MARCHF1: variants seen among roughly 807,000 people sequenced by gnomAD.
MARCHF1 encodes the protein E3 ubiquitin-protein ligase MARCHF1.
MARCHF1 carries 40 observed loss-of-function variants against 54.2 expected under a neutral mutation model. The observed-to-expected ratio is 0.74, with a 90% CI of 0.57 to 0.96. The LOEUF is 0.96. Ranked by LOEUF, MARCHF1 falls within the 40% of genes least tolerant of loss-of-function variation. The pLI is 0.00. For missense variants in MARCHF1, 586 were observed against 656.5 expected (o/e 0.89, Z 1.17); for synonymous variants, 236 against 236.3 (o/e 1.00, Z 0.01).
At chr4:163,803,926 G>C (rs1748154419) in intron 4 of MARCHF1, among the ~76,000 whole-genome samples, 1 of 152,156 alleles carries the variant, frequency 6.6e-6, no homozygotes, top group Non-Finnish European at 1.5e-5. Context: ...AACAACAGCT[G>C]CTTCAAAGAG....
intron 1 of MARCHF1, among the ~76,000 whole-genome samples, chr4:164,350,146 T>G (rs1730237263): frequency 6.6e-6 from 1 of 152,182 alleles, no homozygotes; most frequent in African/African-American, 2.4e-5. Flanking sequence ...AAGAAAAAGA[T>G]GCTTTACTCT....
At chr4:164,130,464 T>G (rs1026709428) in intron 1 of MARCHF1, among the ~76,000 whole-genome samples, 6 of 152,182 alleles carry the variant, frequency 3.9e-5, no homozygotes, top group African/African-American at 7.2e-5. Flanking sequence ...TTTCATTTCA[T>G]TTTATTGTTT....
At chr4:164,089,231 A>G (rs1268927516) in intron 2 of MARCHF1, among the ~76,000 whole-genome samples, 1 of 152,186 alleles carries the variant, frequency 6.6e-6, no homozygotes. Flanking sequence ...TACGACATTG[A>G]ATATTGTCAT....
chr4:164,167,586 G>A (rs575752292), intron 1 of MARCHF1, among the ~76,000 whole-genome samples: 13 of 151,642 alleles, frequency 8.6e-5, no homozygotes, highest in Admixed American at 2.0e-4. Flanking sequence ...AGACACAAAG[G>A]CCAATAGAAC....
intron 4 of MARCHF1, among the ~76,000 whole-genome samples, chr4:163,818,676 G>GC (rs901259687): frequency 2.0e-5 from 3 of 151,900 alleles, no homozygotes; most frequent in African/African-American, 7.3e-5. Context: ...AACCTGCAAA[G>GC]CCCCCATATC....
chr4:164,126,911 C>G (rs1042873017), intron 1 of MARCHF1, among the ~76,000 whole-genome samples: 4 of 151,960 alleles, frequency 2.6e-5, no homozygotes, highest in Non-Finnish European at 5.9e-5. Flanking sequence ...AAAATTAGCC[C>G]ACCATGTTGG....
chr4:163,712,052 T>G (rs185244102), intron 4 of MARCHF1, among the ~76,000 whole-genome samples: 2 of 152,204 alleles, frequency 1.3e-5, no homozygotes, highest in African/African-American at 4.8e-5. Context: ...ACTTTCTGTA[T>G]AAGAGTTATA....
chr4:164,021,390 CAG>C (rs1346634914), intron 2 of MARCHF1, among the ~76,000 whole-genome samples: 1 of 152,166 alleles, frequency 6.6e-6, no homozygotes, highest in African/African-American at 2.4e-5. Flanking sequence ...ATACTAGTCT[CAG>C]AGTGCTTCAC....
At chr4:163,646,901 G>C (rs1742781302) in intron 5 of MARCHF1, among the ~76,000 whole-genome samples, 1 of 152,072 alleles carries the variant, frequency 6.6e-6, no homozygotes, top group African/African-American at 2.4e-5. Flanking sequence ...GCAGTAGTAA[G>C]TCTGCATCTA....
intron 1 of MARCHF1, among the ~76,000 whole-genome samples, chr4:164,200,553 A>G (rs1234274259): frequency 6.6e-6 from 1 of 152,196 alleles, no homozygotes; most frequent in Non-Finnish European, 1.5e-5. Context: ...TGTCTAACAC[A>G]CAGATCAAAT....
intron 1 of MARCHF1, among the ~76,000 whole-genome samples, chr4:164,195,403 T>C (rs1262598958): frequency 2.0e-5 from 3 of 152,204 alleles, no homozygotes; most frequent in African/African-American, 7.2e-5. Context: ...TCAGATATTA[T>C]AAATATTTTA....
chr4:163,733,227 G>GTATATATATATATATATATACACATA (rs1241873225), intron 4 of MARCHF1, among the ~76,000 whole-genome samples: 1 of 13,818 alleles, frequency 7.2e-5, no homozygotes, highest in African/African-American at 1.8e-4. Context: ...ATATACACGT[G>GTATATATATATATATATATACACATA]TATATATATA....
chr4:164,114,164 C>CT (rs1386671992), intron 1 of MARCHF1, among the ~76,000 whole-genome samples: 1 of 151,896 alleles, frequency 6.6e-6, no homozygotes, highest in African/African-American at 2.4e-5. Context: ...ATCTACCTAT[C>CT]AGTCGATTTA....
At chr4:163,676,440 A>G (rs1743923316) in intron 5 of MARCHF1, among the ~76,000 whole-genome samples, 1 of 152,126 alleles carries the variant, frequency 6.6e-6, no homozygotes, top group African/African-American at 2.4e-5. Flanking sequence ...GCAAGAAGAT[A>G]ATGTATAGGT....
At chr4:164,200,143 T>C (rs1731414620) in intron 1 of MARCHF1, among the ~76,000 whole-genome samples, 1 of 152,236 alleles carries the variant, frequency 6.6e-6, no homozygotes, top group Non-Finnish European at 1.5e-5. Context: ...TGTATGTTTG[T>C]ATTACTGCAT....
intron 1 of MARCHF1, among the ~76,000 whole-genome samples, chr4:164,349,735 A>C (rs1472430391): frequency 6.6e-6 from 1 of 152,222 alleles, no homozygotes; most frequent in East Asian, 1.9e-4. Context: ...AAAGAATGTA[A>C]TATAAAGAAA....
At chr4:163,775,440 C>A (rs1747278424) in intron 4 of MARCHF1, among the ~76,000 whole-genome samples, 1 of 152,098 alleles carries the variant, frequency 6.6e-6, no homozygotes, top group South Asian at 2.1e-4. Flanking sequence ...ATGCTTAGAA[C>A]AAAGCCTATC....
intron 1 of MARCHF1, among the ~76,000 whole-genome samples, chr4:164,212,628 C>T (rs1220788932): frequency 6.6e-6 from 1 of 152,070 alleles, no homozygotes; most frequent in Admixed American, 6.6e-5. Context: ...CTTCAATATC[C>T]ATGGGAGATT....
intron 5 of MARCHF1, among the ~76,000 whole-genome samples, chr4:163,623,202 A>C (rs1201253594): frequency 6.6e-6 from 1 of 152,190 alleles, no homozygotes; most frequent in East Asian, 1.9e-4. Context: ...GGAGATGATA[A>C]GGCTAGTTCT....
Sources: gnomAD v4.1 joint callset for allele counts (sites outside exome capture counted in the v4.1 genomes callset) on GRCh38, gnomAD v4.1.1 for gene constraint, MANE v1.5 for transcripts, NCBI Gene and HGNC (gene_info 2026-07-23, HGNC 2026-07-21) for gene names.